Variants in GMDS observed in about 807,000 individuals in gnomAD.
GMDS encodes GDP-mannose 4,6-dehydratase, also known as GDP-mannose 4,6 dehydratase.
In GMDS, 20 loss-of-function variants were observed where a neutral mutation model predicts 49.9. The observed-to-expected ratio is 0.40, with a 90% CI of 0.28 to 0.58. The LOEUF is 0.58. GMDS is among the 20% of genes least tolerant of loss of function. The probability of loss-of-function intolerance (pLI) is 0.42; values close to 1 mark genes in which losing one functional copy is unlikely to be tolerated. For synonymous variants in GMDS, 177 were observed against 178.6 expected, an observed-to-expected ratio of 0.99 and a Z score of 0.07; for missense variants, 362 against 481.4, an observed-to-expected ratio of 0.75 and a Z score of 2.32.
At chr6:2,164,715 C>A (rs1396076700) in intron 1 of GMDS, among the ~76,000 whole-genome samples, 1 of 152,226 alleles carries the variant, frequency 6.6e-6, no homozygotes, top group Non-Finnish European at 1.5e-5. Flanking sequence ...CATAATACAG[C>A]CAGTCACAGG....
chr6:1,735,873 A>G (rs974534586), intron 8 of GMDS, among the ~76,000 whole-genome samples: 3 of 152,216 alleles, frequency 2.0e-5, no homozygotes, highest in African/African-American at 7.2e-5. Context: ...ACCCAATTAG[A>G]GTCTATATTT....
chr6:2,133,681 A>T (rs535139306), intron 1 of GMDS, among the ~76,000 whole-genome samples: 204 of 152,322 alleles, frequency 1.3e-3, no homozygotes, highest in African/African-American at 4.6e-3. Flanking sequence ...ACAAGTTAAG[A>T]ACTGTGATTT....
chr6:1,750,179 A>G (rs753213846), intron 7 of GMDS, among the ~76,000 whole-genome samples: 5 of 152,236 alleles, frequency 3.3e-5, no homozygotes, highest in Non-Finnish European at 5.9e-5. Context: ...TGTTATAATG[A>G]AGCAGAAGTT....
At chr6:1,817,108 T>TACACACACACAC (rs3839594) in intron 7 of GMDS, among the ~76,000 whole-genome samples, 1 of 146,028 alleles carries the variant, frequency 6.8e-6, no homozygotes, top group African/African-American at 2.6e-5. Flanking sequence ...ATTGCTCCTT[T>TACACACACACAC]ACACACACAC....
At chr6:2,204,793 C>T (rs1342463105) in intron 1 of GMDS, among the ~76,000 whole-genome samples, 2 of 152,144 alleles carry the variant, frequency 1.3e-5, no homozygotes, top group Admixed American at 1.3e-4. Flanking sequence ...CATATAATGT[C>T]CCTTTCGCCT....
intron 9 of GMDS, among the ~76,000 whole-genome samples, chr6:1,631,363 A>G (rs1762995008): frequency 6.6e-6 from 1 of 151,996 alleles, no homozygotes; most frequent in Admixed American, 6.5e-5. Flanking sequence ...GCTTATCTTT[A>G]CCCCGCACCT....
intron 7 of GMDS, among the ~76,000 whole-genome samples, chr6:1,829,267 G>T (rs1225320945): frequency 6.6e-6 from 1 of 152,144 alleles, no homozygotes; most frequent in Non-Finnish European, 1.5e-5. Context: ...ATTTCTAAAT[G>T]AATATATATG....
intron 1 of GMDS, among the ~76,000 whole-genome samples, chr6:2,180,496 A>G (rs1327189637): frequency 1.3e-5 from 2 of 152,260 alleles, no homozygotes; most frequent in African/African-American, 4.8e-5. Flanking sequence ...AAGACTTAGA[A>G]TATGAAAAAT....
chr6:2,108,803 GA>G (rs1163609044), intron 4 of GMDS, among the ~76,000 whole-genome samples: 2 of 152,168 alleles, frequency 1.3e-5, no homozygotes, highest in Non-Finnish European at 2.9e-5. Context: ...ATCTGGGCTG[GA>G]GACTAGGTAG....
intron 7 of GMDS, among the ~76,000 whole-genome samples, chr6:1,897,046 C>T (rs550091253): frequency 6.6e-6 from 1 of 152,148 alleles, no homozygotes; most frequent in Non-Finnish European, 1.5e-5. Context: ...TCGGGAGGAG[C>T]AGCAGGTGAA....
Position 1,783,111 on chromosome 6 carries a change from C to T in GMDS, c.772-40525G>A, listed in dbSNP as rs781211208. Among the ~76,000 whole-genome samples, 3 of 152,020 alleles carry T rather than the reference C, an allele frequency of 2.0e-5. No individual in the cohort carries two copies. The East Asian group carries it at 5.8e-4, about 29-fold the overall frequency. ...TCAAGGCTGTAGTGAGCAGAGATCA[C>T]GCCACTGCACTCCAGCCTGGGCAAC... On this transcript the variant is annotated intron_variant, in intron 7 of 10. Transcript: ENST00000380815.
chr6:1,821,811 T>A (rs972484468), intron 7 of GMDS, among the ~76,000 whole-genome samples: 1 of 152,060 alleles, frequency 6.6e-6, no homozygotes, highest in South Asian at 2.1e-4. Context: ...AGGACCACAT[T>A]TCAACTTTCA....
intron 1 of GMDS, among the ~76,000 whole-genome samples, chr6:2,225,154 T>C (rs1034635929): frequency 2.1e-5 from 3 of 145,760 alleles, no homozygotes; most frequent in South Asian, 2.1e-4. Context: ...ACCTCGTTTC[T>C]ATAAAAAATA....
At chr6:2,127,019 AT>A (rs1356712638) in intron 1 of GMDS, among the ~76,000 whole-genome samples, 1 of 152,190 alleles carries the variant, frequency 6.6e-6, no homozygotes, top group Non-Finnish European at 1.5e-5. Flanking sequence ...TGTTTGGCAT[AT>A]TCTTTTTTAA....
intron 7 of GMDS, among the ~76,000 whole-genome samples, chr6:1,838,872 T>C (rs1252331683): frequency 1.3e-5 from 2 of 152,208 alleles, no homozygotes; most frequent in Non-Finnish European, 2.9e-5. Context: ...GCTCATAAGG[T>C]ATATCTCATC....
intron 7 of GMDS, among the ~76,000 whole-genome samples, chr6:1,820,281 T>C (rs1291170624): frequency 6.6e-6 from 1 of 152,190 alleles, no homozygotes; most frequent in East Asian, 1.9e-4. Context: ...AATGCTTTGG[T>C]AGTAAAAACA....
At chr6:1,775,206 G>C (rs1364381490) in intron 7 of GMDS, among the ~76,000 whole-genome samples, 2 of 152,130 alleles carry the variant, frequency 1.3e-5, no homozygotes, top group African/African-American at 4.8e-5. Flanking sequence ...ACCTTGGTAA[G>C]ACCCCACTAC....
chr6:1,896,744 G>T (rs1760215317), intron 7 of GMDS, among the ~76,000 whole-genome samples: 1 of 152,220 alleles, frequency 6.6e-6, no homozygotes, highest in South Asian at 2.1e-4. Context: ...CTGGATGGTG[G>T]TGTAGACTCT....
intron 1 of GMDS, among the ~76,000 whole-genome samples, chr6:2,142,896 A>G (rs930840305): frequency 6.6e-6 from 1 of 152,142 alleles, no homozygotes; most frequent in African/African-American, 2.4e-5. Context: ...TGAGCTTGGC[A>G]TAAGCTGCTG....
Sources: allele counts gnomAD v4.1 joint callset (sites outside exome capture counted in the v4.1 genomes callset), GRCh38; gene constraint gnomAD v4.1.1; transcripts MANE v1.5; gene names NCBI Gene and HGNC (gene_info 2026-07-23, HGNC 2026-07-21).